PAPPA2: variants seen among roughly 807,000 people sequenced by gnomAD.
PAPPA2 encodes the protein pappalysin 2, also known as pappalysin-2.
A neutral mutation model predicts 176.4 loss-of-function variants in PAPPA2; 86 were observed. That is an observed-to-expected ratio of 0.49 (90% confidence interval 0.41 to 0.58). The LOEUF is 0.58. Among genes scored for constraint, PAPPA2 ranks in the 20% least tolerant of loss-of-function variants. The probability of loss-of-function intolerance (pLI) is 0.00; values close to 1 mark genes in which losing one functional copy is unlikely to be tolerated. For missense variants in PAPPA2, 2,073 were observed against 2,256.9 expected (o/e 0.92, Z 1.65); for synonymous variants, 809 against 852.2 (o/e 0.95, Z 0.88).
At chr1:176,511,660 C>G (rs534395277) in intron 1 of PAPPA2, among the ~76,000 whole-genome samples, 1 of 152,124 alleles carries the variant, frequency 6.6e-6, no homozygotes, top group Non-Finnish European at 1.5e-5. Flanking sequence ...ATGACCCTGA[C>G]CAATGTGAGT....
At chr1:176,535,520 G>C (rs886436861) in intron 1 of PAPPA2, among the ~76,000 whole-genome samples, 2 of 152,124 alleles carry the variant, frequency 1.3e-5, no homozygotes, top group Non-Finnish European at 2.9e-5. Context: ...TATCCTAAAG[G>C]CACATGAGAG....
At chr1:176,799,982 T>C in intron 20 of PAPPA2, 79 bp from the exon 21 acceptor site, 6 of 1,433,500 alleles carry the variant, frequency 4.2e-6, no homozygotes, top group Non-Finnish European at 3.9e-6. Flanking sequence ...ACTCCTGTGG[T>C]GAGCTCAGGA....
intron 9 of PAPPA2, among the ~76,000 whole-genome samples, chr1:176,706,071 G>C (rs1179210482): frequency 6.6e-6 from 1 of 152,084 alleles, no homozygotes; most frequent in Admixed American, 6.6e-5. Context: ...AACATCATCA[G>C]GACCCTCATG....
At chr1:176,686,730 A>T (rs1659857820) in intron 4 of PAPPA2, among the ~76,000 whole-genome samples, 1 of 152,192 alleles carries the variant, frequency 6.6e-6, no homozygotes, top group Non-Finnish European at 1.5e-5. Context: ...ACATGTGTTC[A>T]TGACTATCCC....
intron 5 of PAPPA2, chr1:176,691,105 C>G: frequency 2.0e-6 from 2 of 985,206 alleles, no homozygotes; most frequent in Non-Finnish European, 2.4e-6. Flanking sequence ...TCTTCGCTGT[C>G]TCTCACGCCT....
intron 1 of PAPPA2, among the ~76,000 whole-genome samples, chr1:176,486,305 A>G (rs1404051984): frequency 2.0e-5 from 3 of 152,240 alleles, no homozygotes; most frequent in Admixed American, 2.0e-4. Context: ...ATACTTTTAA[A>G]AAATCAAAGA....
In PAPPA2 at chr1:176,740,216, T is replaced by C. The variant is rs773919260; in HGVS notation, c.4151+20T>C. 5 of 1,602,540 alleles carry C rather than the reference T, an allele frequency of 3.1e-6. No individual in the cohort carries two copies. In the East Asian group the frequency reaches 1.1e-4, roughly 36 times the overall value. On this transcript the variant is annotated intron_variant, in intron 14 of 22. Transcript: ENST00000367662. ...ACAGAGGTACAAACTTCCCTTTCTT[T>C]CTTTTGTTTCCTTTTCTTGTGGCTC...
At chr1:176,686,573 T>C (rs1208879409) in intron 4 of PAPPA2, among the ~76,000 whole-genome samples, 3 of 152,062 alleles carry the variant, frequency 2.0e-5, no homozygotes. Context: ...CTGGGTCACT[T>C]GGAAATCTGC....
intron 14 of PAPPA2, among the ~76,000 whole-genome samples, chr1:176,760,083 A>G (rs1663629933): frequency 6.6e-6 from 1 of 152,252 alleles, no homozygotes; most frequent in South Asian, 2.1e-4. Flanking sequence ...GTCTGTAAAG[A>G]ATTGAAGAAA....
intron 12 of PAPPA2, among the ~76,000 whole-genome samples, chr1:176,728,758 A>C (rs1287804824): frequency 6.6e-6 from 1 of 151,972 alleles, no homozygotes; most frequent in Non-Finnish European, 1.5e-5. Context: ...TCATTAACAC[A>C]TCAAGGTGCT....
intron 1 of PAPPA2, among the ~76,000 whole-genome samples, chr1:176,505,362 C>G (rs1041210859): frequency 6.6e-6 from 1 of 152,028 alleles, no homozygotes; most frequent in African/African-American, 2.4e-5. Context: ...GATTTCCCCT[C>G]CCATTATAAA....
At chr1:176,759,895 G>A (rs1357150411) in intron 14 of PAPPA2, among the ~76,000 whole-genome samples, 1 of 152,158 alleles carries the variant, frequency 6.6e-6, no homozygotes, top group Non-Finnish European at 1.5e-5. Context: ...CCCTAAGTCT[G>A]AACCTACCCC....
At chr1:176,676,155 C>G (rs565183272) in intron 4 of PAPPA2, among the ~76,000 whole-genome samples, 1 of 151,956 alleles carries the variant, frequency 6.6e-6, no homozygotes, top group African/African-American at 2.4e-5. Context: ...CACAGCCACT[C>G]GAGAATACTT....
At position 176,553,976 on chromosome 1, in the gene PAPPA2, G is replaced by GGAGA. The variant is rs1201856292; in HGVS notation, c.-916-1420_-916-1417dup. Among the ~76,000 whole-genome samples the GGAGA allele has an allele frequency of 5.3e-5, 8 of 151,382 alleles. No individual in the cohort carries two copies. The East Asian group carries it at 5.9e-4, about 11-fold the overall frequency. ...TTCTTGAGCTGCTTCAGAAAGAGAGGGAGAGAGAGAGAGAAAACTGAGTCA... is the reference window on the plus strand; with the variant it reads ...TTCTTGAGCTGCTTCAGAAAGAGAGGGAGAGAGAGAGAGAGAGAAAACTGAGTCA... On this transcript the variant is annotated intron_variant, in intron 1 of 22. Coordinates refer to ENST00000367662, the MANE Select transcript of PAPPA2 (RefSeq NM_020318.3).
intron 22 of PAPPA2, 40 bp from the exon 23 acceptor site, chr1:176,842,340 A>G (rs759432578): frequency 6.5e-6 from 10 of 1,542,584 alleles, no homozygotes; most frequent in Non-Finnish European, 8.1e-6. Flanking sequence ...TGAAGCTATC[A>G]CAGAAATGAG....
At chr1:176,676,835 C>T (rs1314622824) in intron 4 of PAPPA2, among the ~76,000 whole-genome samples, 1 of 152,078 alleles carries the variant, frequency 6.6e-6, no homozygotes, top group Non-Finnish European at 1.5e-5. Flanking sequence ...ATAGCAGGTG[C>T]TCTGTGAGTG....
chr1:176,822,875 A>G (rs930831145), intron 21 of PAPPA2, among the ~76,000 whole-genome samples: 1 of 152,230 alleles, frequency 6.6e-6, no homozygotes, highest in Non-Finnish European at 1.5e-5. Context: ...GGTCAATTCT[A>G]CTGGCAAAGC....
chr1:176,585,687 T>A (rs1360152345), intron 2 of PAPPA2, among the ~76,000 whole-genome samples: 1 of 142,422 alleles, frequency 7.0e-6, no homozygotes, highest in African/African-American at 2.6e-5. Flanking sequence ...TAAAATATAT[T>A]TTTTTTGTCT....
chr1:176,684,460 C>A (rs1659737950), intron 4 of PAPPA2, among the ~76,000 whole-genome samples: 1 of 151,998 alleles, frequency 6.6e-6, no homozygotes, highest in African/African-American at 2.4e-5. Context: ...GTGTGCATTT[C>A]TTTTTTCTTC....
Sources: gnomAD v4.1 joint callset for allele counts (sites outside exome capture counted in the v4.1 genomes callset) on GRCh38, gnomAD v4.1.1 for gene constraint, MANE v1.5 for transcripts, NCBI Gene and HGNC (gene_info 2026-07-23, HGNC 2026-07-21) for gene names.